The following MND1 variants were observed in gnomAD, a reference collection of about 807,000 sequenced individuals.
The protein encoded by MND1 is meiotic nuclear divisions 1.
MND1 carries 28 observed loss-of-function variants against 35.1 expected under a neutral mutation model. The ratio of observed to expected loss-of-function variants is 0.80; its 90% confidence interval spans 0.59 to 1.09. The LOEUF is 1.09. MND1 is among the 50% of genes least tolerant of loss of function. The pLI is 0.00. For missense variants in MND1, 213 were observed against 239.6 expected (o/e 0.89, Z 0.73); for synonymous variants, 69 against 70.5 (o/e 0.98, Z 0.11).
chr4:153,364,959 C>CT (rs1485977151), intron 4 of MND1, among the ~76,000 whole-genome samples: 2 of 152,154 alleles, frequency 1.3e-5, no homozygotes, highest in East Asian at 3.9e-4. Context: ...GACAAATACT[C>CT]TATGATTCCA....
At chr4:153,366,345 G>A (rs1561061526) in intron 4 of MND1, among the ~76,000 whole-genome samples, 1 of 152,144 alleles carries the variant, frequency 6.6e-6, no homozygotes, top group African/African-American at 2.4e-5. Context: ...ATCTTTGGGG[G>A]ACATTATTTA....
intron 6 of MND1, among the ~76,000 whole-genome samples, chr4:153,399,260 C>T (rs774320974): frequency 5.3e-5 from 8 of 152,174 alleles, no homozygotes; most frequent in East Asian, 1.9e-4. Context: ...TCCAAAAAGA[C>T]GTAAGCTTTT....
chr4:153,359,786 T>C (rs1353844114), intron 4 of MND1, among the ~76,000 whole-genome samples: 1 of 149,178 alleles, frequency 6.7e-6, no homozygotes, highest in Non-Finnish European at 1.5e-5. Flanking sequence ...GATCTTTTTT[T>C]TTTTTTTTTT....
intron 4 of MND1, among the ~76,000 whole-genome samples, chr4:153,363,393 G>A (rs538687809): frequency 6.6e-6 from 1 of 152,028 alleles, no homozygotes; most frequent in East Asian, 1.9e-4. Flanking sequence ...TGTATTTTTG[G>A]TAGAGACAGG....
At chr4:153,345,413 C>CG (rs1387069758) in intron 1 of MND1, 1 of 985,428 alleles carries the variant, frequency 1.0e-6, no homozygotes, top group Non-Finnish European at 1.2e-6. Context: ...GCTCTTGTGC[C>CG]GGGTGCTGCT....
chr4:153,355,598 A>ATTTTC, intron 2 of MND1, 56 bp from the exon 3 acceptor site: 1 of 1,142,778 alleles, frequency 8.8e-7, no homozygotes, highest in Non-Finnish European at 1.3e-6. Context: ...AAATGAAAAT[A>ATTTTC]TACATAGTAG....
chr4:153,381,667 A>AATATATATATATATATT (rs1728693116), intron 4 of MND1: 1 of 25,458 alleles, frequency 3.9e-5, no homozygotes, highest in African/African-American at 1.5e-4. Flanking sequence ...TATATAATAT[A>AATATATATATATATATT]ATATATATAT....
intron 6 of MND1, among the ~76,000 whole-genome samples, chr4:153,407,955 T>C (rs1729568375): frequency 1.3e-5 from 2 of 152,144 alleles, no homozygotes; most frequent in Non-Finnish European, 2.9e-5. Context: ...ATAGTAGTAA[T>C]GGTTGTACAA....
intron 4 of MND1, among the ~76,000 whole-genome samples, chr4:153,372,574 T>C (rs1033924224): frequency 6.6e-6 from 1 of 152,074 alleles, no homozygotes; most frequent in Non-Finnish European, 1.5e-5. Flanking sequence ...CCTAAAAGTT[T>C]TTTTAATTCC....
chr4:153,402,286 T>C lies in MND1; in HGVS notation c.466+4953T>C, dbSNP rs143996074. Among the ~76,000 whole-genome samples the C allele has an allele frequency of 4.6e-3, 696 of 152,316 alleles. 7 individuals are homozygous for C. The highest frequency in any genetic ancestry group is 0.016 in the African/African-American group (650 of 41,564). On this transcript the variant is annotated intron_variant, in intron 6 of 7. Coordinates refer to ENST00000240488, the MANE Select transcript of MND1 (RefSeq NM_032117.4). ...ACCAGATAAAACATGTTAGTAGAAA[T>C]TAAATTCCCACAAAAATACTTGAAA...
At chr4:153,350,399 C>T (rs1419679256) in intron 2 of MND1, among the ~76,000 whole-genome samples, 1 of 152,158 alleles carries the variant, frequency 6.6e-6, no homozygotes, top group Non-Finnish European at 1.5e-5. Flanking sequence ...CCTCTTTCTG[C>T]CTGAAAAATA....
intron 4 of MND1, among the ~76,000 whole-genome samples, chr4:153,371,576 G>GCA (rs1407359845): frequency 1.3e-5 from 2 of 151,942 alleles, no homozygotes; most frequent in Non-Finnish European, 1.5e-5. Context: ...CTTTTTCTGT[G>GCA]CAGCTTCCTC....
intron 4 of MND1, among the ~76,000 whole-genome samples, chr4:153,388,259 G>A (rs114518430): frequency 0.012 from 1,901 of 152,306 alleles, 43 homozygotes; most frequent in African/African-American, 0.044. Flanking sequence ...GGAGGACAAG[G>A]CGGGAGGATC....
chr4:153,391,663 G>T (rs530092274), intron 4 of MND1, among the ~76,000 whole-genome samples: 5 of 150,982 alleles, frequency 3.3e-5, no homozygotes, highest in Non-Finnish European at 7.4e-5. Context: ...GGAGGCGGAG[G>T]TTACAGTGAG....
intron 4 of MND1, among the ~76,000 whole-genome samples, chr4:153,382,466 A>C (rs1474619336): frequency 3.3e-5 from 5 of 152,126 alleles, no homozygotes; most frequent in Non-Finnish European, 7.4e-5. Context: ...TTGCCCTTTT[A>C]ATTTTTTGAA....
chr4:153,390,745 G>A (rs1728997873), intron 4 of MND1, among the ~76,000 whole-genome samples: 1 of 152,134 alleles, frequency 6.6e-6, no homozygotes, highest in Non-Finnish European at 1.5e-5. Context: ...CTACTTGGGA[G>A]GCTGAGGTGG....
rs563042003 is a variant in MND1, at chr4:153,376,966, T to A, written c.277-17296T>A. ...GTTATTCTTAACAAAAACCTTATAC[T>A]AATTTGGAGAATTTTATTAATATGG... On this transcript the variant is annotated intron_variant, in intron 4 of 7. Transcript: ENST00000240488. Among the ~76,000 whole-genome samples, 5 of 152,364 alleles carry A rather than the reference T, an allele frequency of 3.3e-5. No homozygotes were observed. The East Asian group carries it at 9.6e-4, about 29-fold the overall frequency.
intron 4 of MND1, among the ~76,000 whole-genome samples, chr4:153,384,443 A>ATTTTTTT (rs561004288): frequency 0.012 from 755 of 63,176 alleles, 62 homozygotes; most frequent in African/African-American, 0.025. Flanking sequence ...CTAATGTTTA[A>ATTTTTTT]TTTTTTTTTT....
At chr4:153,386,022 T>G (rs900116980) in intron 4 of MND1, among the ~76,000 whole-genome samples, 3 of 152,154 alleles carry the variant, frequency 2.0e-5, no homozygotes, top group African/African-American at 4.8e-5. Context: ...GTAGGTTCAC[T>G]GATTGTAGCA....
Sources: allele counts gnomAD v4.1 joint callset (sites outside exome capture counted in the v4.1 genomes callset), GRCh38; gene constraint gnomAD v4.1.1; transcripts MANE v1.5; gene names NCBI Gene and HGNC (gene_info 2026-07-23, HGNC 2026-07-21).